The following MED27 variants were observed in gnomAD, a reference collection of about 807,000 sequenced individuals.
MED27 encodes mediator complex subunit 27.
In MED27, 30 loss-of-function variants were observed where a neutral mutation model predicts 38.2. The ratio of observed to expected loss-of-function variants is 0.79; its 90% CI spans 0.59 to 1.07. MED27 has a LOEUF of 1.07. Among genes scored for constraint, MED27 ranks in the 50% least tolerant of loss-of-function variants. The pLI, the probability that MED27 is intolerant of heterozygous loss-of-function variation, is 0.00. For missense variants in MED27, 289 were observed against 397.5 expected, an observed-to-expected ratio of 0.73 and a Z score of 2.32; for synonymous variants, 122 against 153.5, an observed-to-expected ratio of 0.79 and a Z score of 1.52.
intron 2 of MED27, among the ~76,000 whole-genome samples, chr9:132,057,196 C>G (rs1260437321): frequency 1.3e-5 from 2 of 152,228 alleles, no homozygotes; most frequent in Admixed American, 6.5e-5. Context: ...AAGCACACCA[C>G]CCGCGGTAAT....
intron 4 of MED27, among the ~76,000 whole-genome samples, chr9:131,931,462 CA>C (rs1280630402): frequency 6.6e-6 from 1 of 151,854 alleles, no homozygotes; most frequent in Non-Finnish European, 1.5e-5. Context: ...CAGAAAACAG[CA>C]AAATGGAAGA....
chr9:132,039,573 T>C (rs1833162330), intron 2 of MED27, among the ~76,000 whole-genome samples: 1 of 152,200 alleles, frequency 6.6e-6, no homozygotes, highest in South Asian at 2.1e-4. Flanking sequence ...AAGTGGCCAC[T>C]GAGCTAAATT....
At chr9:132,001,569 C>G (rs1470937790) in intron 3 of MED27, among the ~76,000 whole-genome samples, 1 of 152,094 alleles carries the variant, frequency 6.6e-6, no homozygotes, top group Non-Finnish European at 1.5e-5. Context: ...AAATCACCAG[C>G]CTATCCTTTT....
At chr9:132,068,600 A>C (rs1310228118) in intron 2 of MED27, among the ~76,000 whole-genome samples, 1 of 152,116 alleles carries the variant, frequency 6.6e-6, no homozygotes, top group Non-Finnish European at 1.5e-5. Flanking sequence ...GGAAATCAAT[A>C]GATCTGTCAG....
At chr9:132,025,113 A>AT (rs1832790754) in intron 2 of MED27, among the ~76,000 whole-genome samples, 1 of 152,162 alleles carries the variant, frequency 6.6e-6, no homozygotes, top group African/African-American at 2.4e-5. Flanking sequence ...AGGAAAAAAA[A>AT]AAAGCTAAAG....
intron 4 of MED27, 81 bp downstream of exon 4, chr9:131,939,300 C>T: frequency 1.2e-6 from 1 of 817,938 alleles, no homozygotes; most frequent in Non-Finnish European, 1.9e-6. Context: ...TCTCTAGATC[C>T]TACAACACAG....
At chr9:132,057,178 C>T (rs1351074596) in intron 2 of MED27, among the ~76,000 whole-genome samples, 1 of 152,180 alleles carries the variant, frequency 6.6e-6, no homozygotes, top group Non-Finnish European at 1.5e-5. Context: ...TCACAAGAGC[C>T]TAGACAAAAG....
chr9:131,947,155 G>T (rs1055413550), intron 3 of MED27, among the ~76,000 whole-genome samples: 2 of 152,000 alleles, frequency 1.3e-5, no homozygotes, highest in African/African-American at 4.8e-5. Flanking sequence ...CCCAAATTAG[G>T]CCATTATAAA....
At chr9:131,992,545 G>A (rs558536318) in intron 3 of MED27, among the ~76,000 whole-genome samples, 6 of 152,090 alleles carry the variant, frequency 3.9e-5, no homozygotes, top group East Asian at 1.9e-4. Flanking sequence ...CTATAGGCAC[G>A]TGCCACCACA....
At chr9:131,921,210 T>A (rs933510294) in intron 4 of MED27, among the ~76,000 whole-genome samples, 45 of 152,340 alleles carry the variant, frequency 3.0e-4, no homozygotes, top group Middle Eastern at 3.4e-3. Context: ...ACCCTTCATC[T>A]AGGTGTCCTG....
At chr9:132,043,537 T>G (rs139463137) in intron 2 of MED27, among the ~76,000 whole-genome samples, 18 of 152,274 alleles carry the variant, frequency 1.2e-4, no homozygotes, top group Admixed American at 1.2e-3. Flanking sequence ...ATATATAGTT[T>G]CATACATAAA....
At chr9:132,067,805 G>A (rs950663978) in intron 2 of MED27, among the ~76,000 whole-genome samples, 3 of 151,672 alleles carry the variant, frequency 2.0e-5, no homozygotes. Flanking sequence ...CCCGCCTCCC[G>A]GGTTCACGCC....
chr9:132,061,375 C>T (rs1439923448), intron 2 of MED27, among the ~76,000 whole-genome samples: 1 of 152,244 alleles, frequency 6.6e-6, no homozygotes, highest in Non-Finnish European at 1.5e-5. Context: ...AATAACCACA[C>T]TTTACACCTT....
intron 3 of MED27, among the ~76,000 whole-genome samples, chr9:131,966,549 TA>T (rs1223519067): frequency 6.6e-6 from 1 of 152,002 alleles, no homozygotes; most frequent in South Asian, 2.1e-4. Context: ...ATCCCTAACA[TA>T]AAAAACAACA....
intron 5 of MED27, among the ~76,000 whole-genome samples, chr9:131,887,408 G>A (rs1028908185): frequency 1.3e-5 from 2 of 152,138 alleles, no homozygotes; most frequent in African/African-American, 2.4e-5. Flanking sequence ...TTTACCTGGT[G>A]CGCATGGGTG....
intron 3 of MED27, among the ~76,000 whole-genome samples, chr9:131,964,698 A>G (rs1168667930): frequency 6.6e-6 from 1 of 152,208 alleles, no homozygotes; most frequent in Non-Finnish European, 1.5e-5. Context: ...AGGACGTGCA[A>G]TTCTTATAAG....
At chr9:132,008,680 T>C (rs1429736052) in intron 3 of MED27, among the ~76,000 whole-genome samples, 2 of 152,214 alleles carry the variant, frequency 1.3e-5, no homozygotes, top group Non-Finnish European at 1.5e-5. Context: ...ACACAGCTCC[T>C]GCATTCCTGC....
intron 3 of MED27, among the ~76,000 whole-genome samples, chr9:131,942,221 C>T (rs1008103874): frequency 8.5e-5 from 13 of 152,266 alleles, no homozygotes; most frequent in Admixed American, 2.0e-4. Context: ...TCTAGATTTA[C>T]AGCATCATGA....
chr9:132,047,114 C>CTA (rs1444806526), intron 2 of MED27, among the ~76,000 whole-genome samples: 1 of 151,986 alleles, frequency 6.6e-6, no homozygotes, highest in Non-Finnish European at 1.5e-5. Flanking sequence ...GACCATATAT[C>CTA]TATATATATC....
Sources: allele counts gnomAD v4.1 joint callset (sites outside exome capture counted in the v4.1 genomes callset), GRCh38; gene constraint gnomAD v4.1.1; transcripts MANE v1.5; gene names NCBI Gene and HGNC (gene_info 2026-07-23, HGNC 2026-07-21).